Variants in NRXN3 observed in about 807,000 individuals in gnomAD.
NRXN3 encodes the protein neurexin 3, also known as neurexin III.
A neutral mutation model predicts 137.6 loss-of-function variants in NRXN3; 32 were observed. That is an observed-to-expected ratio of 0.23 (90% CI 0.18 to 0.31). NRXN3 has a LOEUF of 0.31. NRXN3 is among the 10% of genes least tolerant of loss of function. The pLI is 1.00. For synonymous variants in NRXN3, 798 were observed against 784.5 expected, an observed-to-expected ratio of 1.02 and a Z score of -0.29; for missense variants, 1,574 against 2,062.5, an observed-to-expected ratio of 0.76 and a Z score of 4.59.
At chr14:78,714,639 T>G in intron 7 of NRXN3, 117 bp from the exon 8 acceptor site, 1 of 1,135,834 alleles carries the variant, frequency 8.8e-7, no homozygotes, top group Non-Finnish European at 1.3e-6. Flanking sequence ...CTAATTCTCT[T>G]GCTTACATTG....
chr14:78,484,947 T>C (rs953697033), intron 4 of NRXN3, among the ~76,000 whole-genome samples: 2 of 152,098 alleles, frequency 1.3e-5, no homozygotes, highest in African/African-American at 4.8e-5. Flanking sequence ...ATAAATAAAA[T>C]GGTATAAAAA....
intron 1 of NRXN3, among the ~76,000 whole-genome samples, chr14:78,173,981 C>T (rs2059020194): frequency 6.6e-6 from 1 of 151,972 alleles, no homozygotes; most frequent in Non-Finnish European, 1.5e-5. Context: ...GCCTCTTTTC[C>T]TCTCCGCAAC....
intron 10 of NRXN3, among the ~76,000 whole-genome samples, chr14:78,818,782 T>C (rs976417825): frequency 6.6e-6 from 1 of 152,102 alleles, no homozygotes; most frequent in East Asian, 1.9e-4. Flanking sequence ...CCAAGGAAAA[T>C]GTAGGAGGAA....
intron 15 of NRXN3, among the ~76,000 whole-genome samples, chr14:79,086,654 G>A (rs2048168427): frequency 1.3e-5 from 2 of 152,236 alleles, no homozygotes; most frequent in East Asian, 3.9e-4. Flanking sequence ...AGGATACGTC[G>A]AAGGCTTTTC....
chr14:78,901,360 T>A (rs2099195749), intron 10 of NRXN3, among the ~76,000 whole-genome samples: 1 of 152,046 alleles, frequency 6.6e-6, no homozygotes, highest in Admixed American at 6.6e-5. Flanking sequence ...TGTATTTCTC[T>A]TTTAATATTT....
chr14:78,943,610 TAAAA>T (rs754141401), intron 10 of NRXN3, among the ~76,000 whole-genome samples: 829 of 28,660 alleles, frequency 0.029, 19 homozygotes, highest in Middle Eastern at 0.077. Flanking sequence ...AGATCACTGT[TAAAA>T]AAAAAAAATA....
chr14:79,369,176 A>T (rs1429399138), intron 15 of NRXN3, among the ~76,000 whole-genome samples: 1 of 152,184 alleles, frequency 6.6e-6, no homozygotes, highest in Non-Finnish European at 1.5e-5. Flanking sequence ...AGAGGGTATA[A>T]TCAAAGGTGG....
In NRXN3 at chr14:79,646,263, G is replaced by A. The variant is rs923432584; in HGVS notation, c.3445-17515G>A. 2.2e-5 allele frequency among the ~76,000 whole-genome samples: 3 copies of A among 135,260 alleles called. 1 individual carries two copies. Among genetic ancestry groups the A allele is most frequent in the Admixed American group, 1.6e-4 (2 of 12,666 alleles). 88.7% of individuals were successfully genotyped at this position (135,260 alleles called of 152,430 possible). Reference sequence around the variant, plus strand: ...TTGGGGTTGACAGCATAGTTGGGCTGCACTAAAGAGTCTTACTCTGACATA... The same window carrying A: ...TTGGGGTTGACAGCATAGTTGGGCTACACTAAAGAGTCTTACTCTGACATA... On this transcript the variant is annotated intron_variant, in intron 16 of 20. Transcript: ENST00000335750.
intron 16 of NRXN3, among the ~76,000 whole-genome samples, chr14:79,609,128 CTGTGA>C (rs2098065158): frequency 6.6e-6 from 1 of 152,002 alleles, no homozygotes; most frequent in Non-Finnish European, 1.5e-5. Context: ...GTCTCCTTCA[CTGTGA>C]CTCATTATGG....
chr14:78,664,073 C>T (rs1318986743), intron 6 of NRXN3, among the ~76,000 whole-genome samples: 1 of 152,166 alleles, frequency 6.6e-6, no homozygotes, highest in Admixed American at 6.5e-5. Flanking sequence ...ACATTTTTCA[C>T]TTCTCAAATC....
intron 19 of NRXN3, among the ~76,000 whole-genome samples, chr14:79,756,177 T>G (rs1421877083): frequency 6.6e-6 from 1 of 152,170 alleles, no homozygotes; most frequent in Non-Finnish European, 1.5e-5. Flanking sequence ...TTAAATGAAC[T>G]GTTGATGACT....
intron 15 of NRXN3, among the ~76,000 whole-genome samples, chr14:79,228,253 C>T (rs1321867764): frequency 6.6e-6 from 1 of 152,032 alleles, no homozygotes; most frequent in Non-Finnish European, 1.5e-5. Flanking sequence ...TTGTAGAAGT[C>T]TCCCTGATAA....
At chr14:78,815,577 T>C (rs1039936652) in intron 10 of NRXN3, among the ~76,000 whole-genome samples, 5 of 143,752 alleles carry the variant, frequency 3.5e-5, no homozygotes, top group South Asian at 2.3e-4. Context: ...ATTAACAGCA[T>C]GTGGGTGGTT....
Position 78,709,206 on chromosome 14 carries a change from G to A in NRXN3, c.1222-11G>A, listed in dbSNP as rs1283905546. On this transcript the variant is annotated splice_polypyrimidine_tract_variant and intron_variant, in intron 6 of 20. Coordinates refer to ENST00000335750, the MANE Select transcript of NRXN3 (RefSeq NM_001330195.2). ...TTGATTCACATGGCACTTTTGTTTGGCTTTTGACAGGTTGTTTATAAGAAT... is the reference window on the plus strand; with the variant it reads ...TTGATTCACATGGCACTTTTGTTTGACTTTTGACAGGTTGTTTATAAGAAT... The A allele has an allele frequency of 1.2e-6, 2 of 1,602,808 alleles. No homozygotes were observed. The highest frequency in any genetic ancestry group is 2.3e-5 in the South Asian group (2 of 88,788).
At chr14:79,701,702 G>A (rs2098755308) in intron 19 of NRXN3, among the ~76,000 whole-genome samples, 1 of 152,010 alleles carries the variant, frequency 6.6e-6, no homozygotes, top group Admixed American at 6.6e-5. Context: ...CAGTCACAGA[G>A]CTTTCCCAGT....
At chr14:78,944,255 C>T (rs2152924533) in intron 10 of NRXN3, among the ~76,000 whole-genome samples, 1 of 152,280 alleles carries the variant, frequency 6.6e-6, no homozygotes, top group South Asian at 2.1e-4. Flanking sequence ...CACCAGTTTA[C>T]AGTGTAGAGA....
chr14:78,563,091 T>G (rs776390688), intron 4 of NRXN3, among the ~76,000 whole-genome samples: 11 of 152,190 alleles, frequency 7.2e-5, no homozygotes, highest in Non-Finnish European at 1.3e-4. Flanking sequence ...GATCTCTCCA[T>G]GTGACCAAGG....
chr14:78,838,952 T>C (rs1363712885), intron 10 of NRXN3, among the ~76,000 whole-genome samples: 2 of 152,146 alleles, frequency 1.3e-5, no homozygotes, highest in Non-Finnish European at 2.9e-5. Flanking sequence ...CTAGCCTTGC[T>C]CATTTAGGTT....
intron 19 of NRXN3, among the ~76,000 whole-genome samples, chr14:79,766,116 C>A (rs2099055195): frequency 6.6e-6 from 1 of 152,200 alleles, no homozygotes; most frequent in East Asian, 1.9e-4. Context: ...TGATCTGTTT[C>A]TATTGTTTCA....
Sources: gnomAD v4.1 joint callset for allele counts (sites outside exome capture counted in the v4.1 genomes callset) on GRCh38, gnomAD v4.1.1 for gene constraint, MANE v1.5 for transcripts, NCBI Gene and HGNC (gene_info 2026-07-23, HGNC 2026-07-21) for gene names.